The following P4HA2 variants were observed in gnomAD, a reference collection of about 807,000 sequenced individuals.
P4HA2 encodes the protein prolyl 4-hydroxylase subunit alpha-2.
A neutral mutation model predicts 76.9 loss-of-function variants in P4HA2; 46 were observed. That is an observed-to-expected ratio of 0.60 (90% CI 0.47 to 0.76). The LOEUF is 0.76. Ranked by LOEUF, P4HA2 falls within the 30% of genes least tolerant of loss-of-function variation. P4HA2 has a pLI of 0.00. For missense variants in P4HA2, 583 were observed against 669.4 expected, an observed-to-expected ratio of 0.87 and a Z score of 1.42; for synonymous variants, 243 against 254.0, an observed-to-expected ratio of 0.96 and a Z score of 0.41.
At chr5:132,225,914 C>T (rs1402333040) in intron 1 of P4HA2, among the ~76,000 whole-genome samples, 2 of 152,180 alleles carry the variant, frequency 1.3e-5, no homozygotes, top group African/African-American at 2.4e-5. Flanking sequence ...GGATGAGGCC[C>T]CCAGCCAACT....
Position 132,210,305 on chromosome 5 carries a change from T to C in P4HA2, c.688A>G (p.Thr230Ala). Residue 230 changes from threonine (T) to alanine (A), a missense_variant, in exon 6 of 15, where the codon ACC (threonine) becomes GCC (alanine). Transcript: ENST00000360568. ...TTACCAAGGGAGAGCAGGCGGCGGG[T>C]GAGCTCCAGGGCACGGTGCAGATCA... ...LGDLHRALEL[T>A]RRLLSLDPSH... 6.2e-7 allele frequency: 1 copy of C among 1,613,948 alleles called. No individual in the cohort carries two copies. Among genetic ancestry groups the C allele is most frequent in the Non-Finnish European group, 8.5e-7 (1 of 1,179,936 alleles).
intron 12 of P4HA2, chr5:132,195,802 C>T: frequency 2.5e-6 from 1 of 399,550 alleles, no homozygotes; most frequent in Non-Finnish European, 4.7e-6. Context: ...CCTTTGAATC[C>T]CCATCTAGCC....
chr5:132,195,168 G>C, intron 13 of P4HA2, 146 bp from the exon 14 acceptor site: 1 of 653,494 alleles, frequency 1.5e-6, no homozygotes, highest in Non-Finnish European at 2.7e-6. Flanking sequence ...TCCAGCAACA[G>C]AGACATTTCC....
At chr5:132,198,135 G>C in intron 12 of P4HA2, 186 bp downstream of exon 12, 1 of 1,603,726 alleles carries the variant, frequency 6.2e-7, no homozygotes, top group East Asian at 2.3e-5. Flanking sequence ...CAGCCCTGAT[G>C]GGGGTGGGAT....
chr5:132,214,158 T>C, intron 4 of P4HA2, 105 bp from the exon 5 acceptor site: 1 of 1,140,186 alleles, frequency 8.8e-7, no homozygotes, highest in Non-Finnish European at 1.2e-6. Context: ...TAGTGAAATT[T>C]CCCCGCCCCC....
chr5:132,198,362 G>C lies in P4HA2; in HGVS notation c.1324C>G (p.Leu442Val). Residue 442 changes from leucine to valine, a missense_variant, in exon 12 of 15, where the codon CTC (leucine) becomes GTC (valine). By Grantham distance (32) the Leu-to-Val change is conservative. Transcript: ENST00000360568. ...GCTAACCTATTCCCCTCTGTTTTGAGGCCGCTGTCAAAAGGTCGCTGCAAC... is the reference window on the plus strand; with the variant it reads ...GCTAACCTATTCCCCTCTGTTTTGACGCCGCTGTCAAAAGGTCGCTGCAAC... ...DFSRRPFDSGLKTEGNRLATF... is the reference protein window; with the variant it reads ...DFSRRPFDSGVKTEGNRLATF... 1 of 1,613,602 alleles carries C rather than the reference G, an allele frequency of 6.2e-7. No homozygotes were observed. The highest frequency in any genetic ancestry group is 8.5e-7 in the Non-Finnish European group (1 of 1,180,018).
intron 4 of P4HA2, among the ~76,000 whole-genome samples, chr5:132,215,831 T>C (rs1353774888): frequency 8.5e-6 from 1 of 118,226 alleles, no homozygotes; most frequent in Non-Finnish European, 1.6e-5. Flanking sequence ...TAGGCTAATA[T>C]AGTGAGACCC....
At chr5:132,202,606 G>T (rs1428441537) in intron 10 of P4HA2, 8 of 152,200 alleles carry the variant, frequency 5.3e-5, no homozygotes, top group Non-Finnish European at 1.2e-4. Flanking sequence ...ACAGAACACA[G>T]AAGTTCCAAT....
chr5:132,213,887 G>C, intron 5 of P4HA2, 29 bp downstream of exon 5: 1 of 1,611,524 alleles, frequency 6.2e-7, no homozygotes, highest in Non-Finnish European at 8.5e-7. Context: ...ACACATGCGG[G>C]ACAGGCAACG....
intron 10 of P4HA2, chr5:132,202,732 G>A (rs183244408): frequency 6.6e-6 from 1 of 152,366 alleles, no homozygotes; most frequent in East Asian, 1.9e-4. Flanking sequence ...CCTTTCAGCA[G>A]GGTGCTGCCA....
chr5:132,194,711 T>C (rs1456138756), intron 14 of P4HA2, among the ~76,000 whole-genome samples: 2 of 152,238 alleles, frequency 1.3e-5, no homozygotes, highest in Non-Finnish European at 2.9e-5. Flanking sequence ...TTCAGCTTCC[T>C]GTGTATCTCT....
intron 13 of P4HA2, 88 bp downstream of exon 13, chr5:132,195,324 G>T: frequency 1.0e-6 from 1 of 982,276 alleles, no homozygotes; most frequent in Non-Finnish European, 1.6e-6. Context: ...GTGACAATCA[G>T]GCAGGCCAGG....
At chr5:132,216,299 T>C (rs1753886656) in intron 4 of P4HA2, among the ~76,000 whole-genome samples, 2 of 152,014 alleles carry the variant, frequency 1.3e-5, no homozygotes, top group South Asian at 4.1e-4. Flanking sequence ...ATAAAAAGTA[T>C]TATCACAATA....
Position 132,203,867 on chromosome 5 carries a change from C to T in P4HA2, c.1152-20G>A, listed in dbSNP as rs781063857. 1.3e-6 allele frequency: 2 copies of T among 1,579,452 alleles called. No homozygotes were observed. On this transcript the variant is annotated intron_variant, in intron 9 of 14. Coordinates refer to ENST00000360568, the MANE Select transcript of P4HA2 (RefSeq NM_001017974.2). Reference sequence around the variant, plus strand: ...CAGGAGCTGGGCAAAAAGAAAAGGGCAGAGAAAAGAAGACGGAAGGGCAGG... The same window carrying T: ...CAGGAGCTGGGCAAAAAGAAAAGGGTAGAGAAAAGAAGACGGAAGGGCAGG...
At chr5:132,215,264 A>C (rs1272786820) in intron 4 of P4HA2, among the ~76,000 whole-genome samples, 1 of 152,248 alleles carries the variant, frequency 6.6e-6, no homozygotes, top group Non-Finnish European at 1.5e-5. Context: ...CAGGGGCAAG[A>C]ACTCAAAGTC....
At chr5:132,202,587 A>G (rs1751665176) in intron 10 of P4HA2, 1 of 152,252 alleles carries the variant, frequency 6.6e-6, no homozygotes, top group Non-Finnish European at 1.5e-5. Flanking sequence ...TCAGGTCATC[A>G]ATTTTACAAC....
intron 8 of P4HA2, among the ~76,000 whole-genome samples, chr5:132,204,404 C>CTGCAGG (rs1751929445): frequency 6.6e-6 from 1 of 152,198 alleles, no homozygotes; most frequent in African/African-American, 2.4e-5. Context: ...CTTCTCCTCC[C>CTGCAGG]CAGGTCCGCT....
chr5:132,211,016 G>A (rs1753011801), intron 5 of P4HA2, among the ~76,000 whole-genome samples: 1 of 152,178 alleles, frequency 6.6e-6, no homozygotes. Flanking sequence ...GAGCTCCAGG[G>A]AGCACCTACC....
rs1369373786 is a variant in P4HA2 at position 132,191,438 on chromosome 5, G to A, written c.*1572C>T. ...GAGGCAGGAGAATGGCGTGAACCCG[G>A]GAGGCGGAGCTTGCAGTGAGCCGAG... On this transcript the variant is annotated 3_prime_UTR_variant, in exon 15 of 15. Coordinates refer to ENST00000360568, the MANE Select transcript of P4HA2 (RefSeq NM_001017974.2). 1.3e-5 allele frequency among the ~76,000 whole-genome samples: 2 copies of A among 149,954 alleles called. No homozygotes were observed. The highest frequency in any genetic ancestry group is 3.0e-5 in the Non-Finnish European group (2 of 67,384).
Sources: allele counts gnomAD v4.1 joint callset (sites outside exome capture counted in the v4.1 genomes callset), GRCh38; gene constraint gnomAD v4.1.1; transcripts MANE v1.5; gene names NCBI Gene and HGNC (gene_info 2026-07-23, HGNC 2026-07-21).